Variants in SMC6 observed in about 807,000 individuals in gnomAD.
The protein encoded by SMC6 is structural maintenance of chromosomes protein 6.
SMC6 carries 79 observed loss-of-function variants against 142.2 expected under a neutral mutation model. That is an observed-to-expected ratio of 0.56 (90% CI 0.46 to 0.67). SMC6 has a LOEUF of 0.67. SMC6 is among the 30% of genes least tolerant of loss of function. The pLI, the probability that SMC6 is intolerant of heterozygous loss-of-function variation, is 0.00. For synonymous variants in SMC6, 411 were observed against 412.4 expected, an observed-to-expected ratio of 1.00 and a Z score of 0.04; for missense variants, 1,072 against 1,284.0, an observed-to-expected ratio of 0.83 and a Z score of 2.52.
At chr2:17,714,083 GT>G (rs895056935) in intron 16 of SMC6, among the ~76,000 whole-genome samples, 8 of 118,202 alleles carry the variant, frequency 6.8e-5, no homozygotes, top group East Asian at 6.0e-4. Context: ...TTCATTTTTT[GT>G]TTTTTTTGTT....
intron 3 of SMC6, among the ~76,000 whole-genome samples, chr2:17,743,980 T>C (rs184955530): frequency 6.6e-6 from 1 of 152,222 alleles, no homozygotes; most frequent in Non-Finnish European, 1.5e-5. Flanking sequence ...ATTTATCTAC[T>C]GAAGGACATT....
chr2:17,664,878 C>T lies in SMC6; in HGVS notation c.*621G>A, dbSNP rs1454239184. ...GCAAACTGAGGGCTTTTAAATCAGG[C>T]AAGCATGATGGAGGTCAGAGTGAAA... On this transcript the variant is annotated 3_prime_UTR_variant, in exon 28 of 28. Coordinates refer to ENST00000448223, the MANE Select transcript of SMC6 (RefSeq NM_001142286.2). 1 of 152,352 alleles carries T rather than the reference C, an allele frequency of 6.6e-6. No individual in the cohort carries two copies. Among genetic ancestry groups the T allele is most frequent in the African/African-American group, 2.4e-5 (1 of 41,444 alleles). 9.4% of individuals were successfully genotyped at this position (152,352 alleles called of 1,614,324 possible). A position where few individuals can be genotyped will look rare whatever the true frequency, so the allele number is the denominator to read the frequency against.
chr2:17,696,503 G>C, intron 21 of SMC6, 77 bp from the exon 22 acceptor site: 1 of 1,446,602 alleles, frequency 6.9e-7, no homozygotes, highest in Non-Finnish European at 9.5e-7. Flanking sequence ...AAACAACTCG[G>C]TAAAGTGGCT....
At chr2:17,691,583 C>T (rs1177557271) in intron 23 of SMC6, among the ~76,000 whole-genome samples, 4 of 151,770 alleles carry the variant, frequency 2.6e-5, no homozygotes, top group South Asian at 2.1e-4. Flanking sequence ...TAAGAGCTAT[C>T]TATGACAAAC....
intron 27 of SMC6, among the ~76,000 whole-genome samples, chr2:17,666,174 T>TAC (rs1380091503): frequency 1.3e-5 from 2 of 152,306 alleles, no homozygotes; most frequent in African/African-American, 4.8e-5. Flanking sequence ...TCATGATAAC[T>TAC]ACAAAGAAGC....
chr2:17,673,480 G>A (rs1038926732), intron 25 of SMC6, among the ~76,000 whole-genome samples: 1 of 151,788 alleles, frequency 6.6e-6, no homozygotes, highest in East Asian at 1.9e-4. Context: ...TTAAATTTAG[G>A]TCTATGATCA....
At chr2:17,710,232 G>A (rs1318925313) in intron 16 of SMC6, among the ~76,000 whole-genome samples, 1 of 152,188 alleles carries the variant, frequency 6.6e-6, no homozygotes. Context: ...CTGAAGTACA[G>A]CCAGTAGGAT....
At chr2:17,701,742 T>G in intron 20 of SMC6, 87 bp downstream of exon 20, 1 of 803,070 alleles carries the variant, frequency 1.2e-6, no homozygotes, top group Non-Finnish European at 2.0e-6. Context: ...TTAAAAGAAC[T>G]TTCTAAAAAA....
intron 2 of SMC6, among the ~76,000 whole-genome samples, chr2:17,747,109 T>C (rs945164673): frequency 6.6e-6 from 1 of 151,844 alleles, no homozygotes; most frequent in Non-Finnish European, 1.5e-5. Context: ...ATGATAATGG[T>C]GTCAGCGGAG....
intron 5 of SMC6, among the ~76,000 whole-genome samples, chr2:17,733,712 A>T (rs1296458112): frequency 1.3e-5 from 2 of 152,258 alleles, no homozygotes; most frequent in Non-Finnish European, 2.9e-5. Flanking sequence ...TTGGGGCATT[A>T]TAGTCTGATA....
intron 2 of SMC6, among the ~76,000 whole-genome samples, chr2:17,747,503 CTTTCTTTTTTT>C (rs1670813969): frequency 8.5e-6 from 1 of 117,114 alleles, no homozygotes; most frequent in Non-Finnish European, 1.6e-5. Context: ...TTTTCTTTTT[CTTTCTTTTTTT>C]TTTTTTTTTG....
chr2:17,741,105 G>A (rs988922065), intron 4 of SMC6, among the ~76,000 whole-genome samples: 1 of 152,148 alleles, frequency 6.6e-6, no homozygotes, highest in Non-Finnish European at 1.5e-5. Flanking sequence ...CCAAACCTTA[G>A]CTAATGAGCA....
In SMC6 at chr2:17,663,875, T is replaced by C. The variant is rs1288443469; in HGVS notation, c.*1624A>G. Reference sequence around the variant, plus strand: ...ATATTTTAAAAGAACAATTTCTTTTTATTCTTTCATTCTAGTAATATTATC... The same window carrying C: ...ATATTTTAAAAGAACAATTTCTTTTCATTCTTTCATTCTAGTAATATTATC... On this transcript the variant is annotated 3_prime_UTR_variant, in exon 28 of 28. Coordinates refer to ENST00000448223, the MANE Select transcript of SMC6 (RefSeq NM_001142286.2). 6.6e-6 allele frequency: 1 copy of C among 152,262 alleles called. No homozygotes were observed. Among genetic ancestry groups the C allele is most frequent in the East Asian group, 1.9e-4 (1 of 5,208 alleles). 9.4% of individuals were successfully genotyped at this position (152,262 alleles called of 1,614,324 possible).
intron 6 of SMC6, 87 bp from the exon 7 acceptor site, chr2:17,731,226 T>C (rs1669901061): frequency 1.2e-6 from 1 of 856,394 alleles, no homozygotes; most frequent in Non-Finnish European, 1.9e-6. Context: ...AATATAAATA[T>C]TAGTTAGCTT....
intron 18 of SMC6, among the ~76,000 whole-genome samples, 170 bp from the exon 19 acceptor site, chr2:17,703,462 C>T (rs1668363835): frequency 6.6e-6 from 1 of 152,088 alleles, no homozygotes; most frequent in South Asian, 2.1e-4. Flanking sequence ...AAATCTATTG[C>T]AGACATTTCA....
chr2:17,741,726 C>A lies in SMC6; in HGVS notation c.124G>T (p.Ala42Ser). 6.3e-7 allele frequency: 1 copy of A among 1,593,514 alleles called. No homozygotes were observed. Among genetic ancestry groups the A allele is most frequent in the Non-Finnish European group, 8.6e-7 (1 of 1,166,934 alleles). The change falls in exon 4 of 28, where the codon GCA becomes TCA. Residue 42 changes from alanine (A) to serine (S), a missense_variant. Physicochemically the swap from Ala to Ser is moderately conservative, Grantham distance 99 (BLOSUM62 1). This residue lies in a region of SMC6 where 994 missense variants were observed against 1,153.2 expected (regional missense o/e 0.86). Coordinates refer to ENST00000448223, the MANE Select transcript of SMC6 (RefSeq NM_001142286.2). ...CTCTCAATTATTCCAACTTCTGCTG[C>A]AGTCTATTAATAAAAAACAATGGGA... ...EDECKGTTLT[A>S]AEVGIIESIH...
intron 26 of SMC6, among the ~76,000 whole-genome samples, chr2:17,669,194 G>A (rs1291008202): frequency 6.6e-6 from 1 of 152,194 alleles, no homozygotes; most frequent in Non-Finnish European, 1.5e-5. Flanking sequence ...GGAAATGACA[G>A]TTTGCATTAA....
At position 17,738,308 on chromosome 2, in the gene SMC6, A is replaced by C; in HGVS notation, c.257T>G (p.Leu86Arg). ...GNNGSGKSAV[L>R]TALIVGLGGR... ...ACCAAGACCGACTATGAGAGCTGTG[A>C]GTACTGCACTCTTCCCACCTAAAGA... The change falls in exon 5 of 28, where the codon CTC becomes CGC. Residue 86 changes from leucine to arginine, a missense_variant. By Grantham distance (102) the Leu-to-Arg change is moderately radical. Around this residue, in one of 3 missense-constraint regions of SMC6, gnomAD observed 994 missense variants for 1,153.2 expected, o/e 0.86. Coordinates refer to ENST00000448223, the MANE Select transcript of SMC6 (RefSeq NM_001142286.2). The C allele has an allele frequency of 6.2e-7, 1 of 1,612,490 alleles. No individual in the cohort carries two copies.
intron 21 of SMC6, 78 bp from the exon 22 acceptor site, chr2:17,696,504 T>G: frequency 6.9e-7 from 1 of 1,442,066 alleles, no homozygotes; most frequent in Non-Finnish European, 9.5e-7. Flanking sequence ...AACAACTCGG[T>G]AAAGTGGCTA....
Sources: gnomAD v4.1 joint callset for allele counts (sites outside exome capture counted in the v4.1 genomes callset) on GRCh38, gnomAD v4.1.1 for gene constraint, gnomAD v4.1.1 regional missense constraint, MANE v1.5 for transcripts, NCBI Gene and HGNC (gene_info 2026-07-23, HGNC 2026-07-21) for gene names.